Variants in MUC7 observed in about 807,000 individuals in gnomAD.
The protein encoded by MUC7 is mucin-7.
Under a neutral mutation model 2.5 loss-of-function variants are expected in MUC7, and 2 were observed. The observed-to-expected ratio is 0.81, with a 90% CI of 0.33 to 2.55. The LOEUF (loss-of-function observed/expected upper bound fraction) is 2.55, where lower values mean the gene tolerates loss of function less well. Among genes scored for constraint, MUC7 ranks in the 30% most tolerant of loss-of-function variants. MUC7 has a pLI of 0.11. For missense variants in MUC7, 408 were observed against 455.6 expected (o/e 0.90, Z 0.95); for synonymous variants, 133 against 173.4 (o/e 0.77, Z 1.83).
At chr4:70,445,450 T>C (rs1734108005) in intron 1 of MUC7, among the ~76,000 whole-genome samples, 3 of 152,300 alleles carry the variant, frequency 2.0e-5, no homozygotes, top group African/African-American at 7.2e-5. Flanking sequence ...GCAGCACAAA[T>C]AATTCATATA....
chr4:70,440,339 C>T (rs1733970387), intron 1 of MUC7, among the ~76,000 whole-genome samples: 1 of 152,070 alleles, frequency 6.6e-6, no homozygotes, highest in Non-Finnish European at 1.5e-5. Flanking sequence ...ATTTCATGCT[C>T]CAGTGGAGGA....
At chr4:70,449,813 C>T (rs1286847775) in intron 1 of MUC7, among the ~76,000 whole-genome samples, 1 of 152,212 alleles carries the variant, frequency 6.6e-6, no homozygotes, top group East Asian at 1.9e-4. Flanking sequence ...GTCTCTCTCT[C>T]TCTGTTCTGA....
At chr4:70,435,463 C>G (rs527352785) in intron 1 of MUC7, among the ~76,000 whole-genome samples, 1 of 152,062 alleles carries the variant, frequency 6.6e-6, no homozygotes, top group African/African-American at 2.4e-5. Context: ...GTAATGGCCT[C>G]CTTTGTCTCT....
intron 1 of MUC7, among the ~76,000 whole-genome samples, chr4:70,460,462 G>GA (rs1254402286): frequency 4.6e-5 from 4 of 87,466 alleles, no homozygotes; most frequent in East Asian, 3.6e-4. Context: ...TGAAAGTTAT[G>GA]AAAAATTCTT....
intron 2 of MUC7, among the ~76,000 whole-genome samples, chr4:70,475,767 T>C (rs915441944): frequency 1.3e-5 from 2 of 152,222 alleles, no homozygotes; most frequent in Admixed American, 1.3e-4. Flanking sequence ...AGAAGTGGAA[T>C]GTACTTTTTT....
At chr4:70,456,313 G>C (rs888660994) in intron 1 of MUC7, among the ~76,000 whole-genome samples, 13 of 152,150 alleles carry the variant, frequency 8.5e-5, no homozygotes, top group African/African-American at 3.1e-4. Context: ...ATGAGGAATT[G>C]AACTGATAAT....
chr4:70,480,982 A>G lies in MUC7; in HGVS notation c.238A>G (p.Asn80Asp). 6.2e-7 allele frequency: 1 copy of G among 1,613,952 alleles called. No individual in the cohort carries two copies. The highest frequency in any genetic ancestry group is 8.5e-7 in the Non-Finnish European group (1 of 1,179,970). ...CRPKLPPSPNNPPKFPNPHQP... is the reference protein window; with the variant it reads ...CRPKLPPSPNDPPKFPNPHQP... ...GCCTAAGCTTCCACCTTCACCTAATAACCCCCCCAAATTCCCAAATCCTCA... is the reference window on the plus strand; with the variant it reads ...GCCTAAGCTTCCACCTTCACCTAATGACCCCCCCAAATTCCCAAATCCTCA... The change falls in exon 3 of 3, where the codon AAC (asparagine) becomes GAC (aspartate). Residue 80 changes from asparagine (N) to aspartate (D), a missense_variant. Asn to Asp is a conservative substitution (Grantham distance 23, BLOSUM62 1). Transcript: ENST00000304887.
intron 1 of MUC7, among the ~76,000 whole-genome samples, chr4:70,463,407 G>A (rs951435546): frequency 3.3e-5 from 5 of 152,132 alleles, no homozygotes; most frequent in Non-Finnish European, 2.9e-5. Context: ...CTTTTCAATC[G>A]ATTAACCATG....
At chr4:70,452,839 C>A (rs1445870467) in intron 1 of MUC7, among the ~76,000 whole-genome samples, 2 of 152,154 alleles carry the variant, frequency 1.3e-5, no homozygotes, top group African/African-American at 4.8e-5. Context: ...TCTTTCAGAT[C>A]AAAGAATTCC....
intron 1 of MUC7, among the ~76,000 whole-genome samples, chr4:70,439,827 TTA>T (rs1010366888): frequency 3.6e-4 from 55 of 152,230 alleles, no homozygotes; most frequent in African/African-American, 1.2e-3. Context: ...TTAAAAATTA[TTA>T]TGTTTAATAT....
intron 1 of MUC7, among the ~76,000 whole-genome samples, chr4:70,437,596 G>A (rs1733879043): frequency 6.6e-6 from 1 of 152,198 alleles, no homozygotes; most frequent in Admixed American, 6.5e-5. Context: ...TATTTGTGCA[G>A]GAGTGTACTG....
intron 1 of MUC7, among the ~76,000 whole-genome samples, chr4:70,460,189 GA>G (rs928673656): frequency 8.6e-5 from 13 of 151,466 alleles, no homozygotes; most frequent in African/African-American, 1.2e-4. Flanking sequence ...AGATGTAAGG[GA>G]AAAAAAAGGA....
intron 1 of MUC7, among the ~76,000 whole-genome samples, chr4:70,473,133 G>C (rs41470045): frequency 0.074 from 11,296 of 152,012 alleles, 634 homozygotes; most frequent in East Asian, 0.19. Flanking sequence ...TGTCATTTTG[G>C]GACTTAGAAA....
At chr4:70,436,502 G>T (rs1377840779) in intron 1 of MUC7, among the ~76,000 whole-genome samples, 1 of 151,966 alleles carries the variant, frequency 6.6e-6, no homozygotes, top group Non-Finnish European at 1.5e-5. Flanking sequence ...GGCTATTGAA[G>T]CTTGTGTATG....
In MUC7 at chr4:70,481,860, C is replaced by T. The variant is rs41424846; in HGVS notation, c.1116C>T (p.Asp372=). The T allele has an allele frequency of 4.0e-5, 65 of 1,613,610 alleles. No homozygotes were observed. The highest frequency in any genetic ancestry group is 1.7e-4 in the Admixed American group (10 of 59,956). The part of the protein sequence containing the change: ...YMKNLLNRII[D]DMVEQ ...AGAATCTACTAAACAGAATTATTGA[C>T]GACATGGTGGAGCAATAGTATATTG... Residue 372 remains aspartate (D), a synonymous_variant, in exon 3 of 3, where the codon GAC becomes GAT. Coordinates refer to ENST00000304887, the MANE Select transcript of MUC7 (RefSeq NM_152291.3).
At chr4:70,441,465 T>C (rs1734003631) in intron 1 of MUC7, among the ~76,000 whole-genome samples, 2 of 152,082 alleles carry the variant, frequency 1.3e-5, no homozygotes, top group Non-Finnish European at 2.9e-5. Context: ...TCAGCAATAA[T>C]GAGAAAAATC....
chr4:70,455,325 G>C (rs1734385824), intron 1 of MUC7, among the ~76,000 whole-genome samples: 1 of 151,944 alleles, frequency 6.6e-6, no homozygotes, highest in African/African-American at 2.4e-5. Flanking sequence ...CTTTCTATGA[G>C]TTTTATCATA....
At chr4:70,452,715 C>T (rs183341607) in intron 1 of MUC7, among the ~76,000 whole-genome samples, 11 of 152,294 alleles carry the variant, frequency 7.2e-5, no homozygotes, top group Admixed American at 3.9e-4. Flanking sequence ...AAGATATGAG[C>T]AGTGTATACA....
chr4:70,454,501 C>G (rs1734367829), intron 1 of MUC7, among the ~76,000 whole-genome samples: 1 of 152,188 alleles, frequency 6.6e-6, no homozygotes, highest in African/African-American at 2.4e-5. Flanking sequence ...GACTGAGACT[C>G]TCTTCCTGCC....
Sources: allele counts gnomAD v4.1 joint callset (sites outside exome capture counted in the v4.1 genomes callset), GRCh38; gene constraint gnomAD v4.1.1; transcripts MANE v1.5; gene names NCBI Gene and HGNC (gene_info 2026-07-23, HGNC 2026-07-21).